Variants in PTPRN2 observed in about 807,000 individuals in gnomAD.
The protein encoded by PTPRN2 is receptor-type tyrosine-protein phosphatase N2.
A neutral mutation model predicts 118.8 loss-of-function variants in PTPRN2; 74 were observed. The observed-to-expected ratio is 0.62, with a 90% CI of 0.52 to 0.76. PTPRN2 has a LOEUF of 0.76. Ranked by LOEUF, PTPRN2 falls within the 30% of genes least tolerant of loss-of-function variation. The pLI is 0.00. For synonymous variants in PTPRN2, 641 were observed against 608.0 expected (o/e 1.05, Z -0.80); for missense variants, 1,481 against 1,394.4 (o/e 1.06, Z -0.99).
intron 1 of PTPRN2, among the ~76,000 whole-genome samples, chr7:158,567,918 C>G (rs11975910): frequency 0.012 from 1,764 of 152,278 alleles, 28 homozygotes; most frequent in African/African-American, 0.04. Flanking sequence ...AACGTGCTAA[C>G]GACAGTCAGA....
intron 10 of PTPRN2, among the ~76,000 whole-genome samples, chr7:158,088,086 G>A (rs1490570697): frequency 3.7e-3 from 248 of 67,708 alleles, no homozygotes; most frequent in Non-Finnish European, 6.6e-3. Context: ...TTCCCCTGAT[G>A]AAAGAGGGAG....
chr7:158,313,877 C>T lies in PTPRN2; in HGVS notation c.277+2942G>A, dbSNP rs78031344. On this transcript the variant is annotated intron_variant, in intron 3 of 22. Coordinates refer to ENST00000389418, the MANE Select transcript of PTPRN2 (RefSeq NM_002847.5). ...GAAAACTCATCTCTGTTGGGGAATTCGGGGCCACTAGATATTTTTCTATCC... is the reference window on the plus strand; with the variant it reads ...GAAAACTCATCTCTGTTGGGGAATTTGGGGCCACTAGATATTTTTCTATCC... Among the ~76,000 whole-genome samples, 1,152 of 152,274 alleles carry T rather than the reference C, an allele frequency of 7.6e-3. 27 individuals are homozygous for T. The highest frequency in any genetic ancestry group is 0.039 in the Admixed American group (592 of 15,292).
At chr7:157,906,043 T>C (rs1172147811) in intron 11 of PTPRN2, among the ~76,000 whole-genome samples, 2 of 152,168 alleles carry the variant, frequency 1.3e-5, no homozygotes, top group Non-Finnish European at 2.9e-5. Context: ...TCCGGGTAAT[T>C]TGGGGACCTC....
At chr7:158,558,757 TAAAAAAA>T (rs769102456) in intron 1 of PTPRN2, among the ~76,000 whole-genome samples, 2 of 59,772 alleles carry the variant, frequency 3.3e-5, no homozygotes, top group African/African-American at 1.2e-4. Flanking sequence ...AGTGCTAGAC[TAAAAAAA>T]AAAAAAAAAA....
At chr7:158,200,257 G>C (rs1003259315) in intron 4 of PTPRN2, among the ~76,000 whole-genome samples, 2 of 152,180 alleles carry the variant, frequency 1.3e-5, no homozygotes, top group Non-Finnish European at 2.9e-5. Flanking sequence ...CAAAAACAAA[G>C]AGGAAGCAGG....
At position 157,617,145 on chromosome 7, in the gene PTPRN2, G is replaced by A. The variant is rs1005358311; in HGVS notation, c.2344+4217C>T. 1.3e-5 allele frequency: 2 copies of A among 152,354 alleles called. No individual in the cohort carries two copies. The highest frequency in any genetic ancestry group is 3.2e-3 in the Middle Eastern group (1 of 316). 9.4% of individuals were successfully genotyped at this position (152,354 alleles called of 1,614,324 possible). ...GGGGTTTCTTGTGAGGACCAGAGGT[G>A]GCACATCCACGGGCATGGGGGACGC... On this transcript the variant is annotated intron_variant, in intron 15 of 22. Transcript: ENST00000389418. The surrounding 1 kb of genome is among the most constrained non-coding windows in gnomAD (Gnocchi z 7.5).
intron 12 of PTPRN2, among the ~76,000 whole-genome samples, chr7:157,691,111 G>T (rs1456103924): frequency 6.8e-6 from 1 of 147,040 alleles, no homozygotes; most frequent in Non-Finnish European, 1.5e-5. Flanking sequence ...TGGCTAAGGG[G>T]CCGCGGCTCT....
intron 11 of PTPRN2, among the ~76,000 whole-genome samples, chr7:157,959,959 A>G (rs956613289): frequency 6.6e-6 from 1 of 152,204 alleles, no homozygotes; most frequent in African/African-American, 2.4e-5. Context: ...AGAACAGATA[A>G]AAAACATGTG....
chr7:157,592,204 C>G (rs974573506), intron 17 of PTPRN2, among the ~76,000 whole-genome samples: 3 of 152,134 alleles, frequency 2.0e-5, no homozygotes, highest in African/African-American at 7.2e-5. Flanking sequence ...CTAAAATAGC[C>G]CATAAGATGT....
At chr7:157,789,024 T>A (rs1464596814) in intron 12 of PTPRN2, among the ~76,000 whole-genome samples, 1 of 152,206 alleles carries the variant, frequency 6.6e-6, no homozygotes, top group East Asian at 1.9e-4. Context: ...TAACAGTCAC[T>A]ACAGGACAGT....
intron 21 of PTPRN2, among the ~76,000 whole-genome samples, chr7:157,566,161 C>G (rs59129824): frequency 0.012 from 1,762 of 152,374 alleles, 33 homozygotes; most frequent in African/African-American, 0.04. Context: ...CATGCAGAGG[C>G]CCTGCATGCA....
At chr7:157,557,985 G>A (rs752171724) in intron 21 of PTPRN2, among the ~76,000 whole-genome samples, 1 of 150,448 alleles carries the variant, frequency 6.6e-6, no homozygotes, top group Non-Finnish European at 1.5e-5. Context: ...AGTTTCTATC[G>A]ACTGCTGGAC....
intron 11 of PTPRN2, among the ~76,000 whole-genome samples, chr7:157,899,421 C>T (rs1797312988): frequency 6.6e-6 from 1 of 152,226 alleles, no homozygotes; most frequent in Non-Finnish European, 1.5e-5. Flanking sequence ...ACCTGCCCCA[C>T]TTCACAGAGA....
chr7:158,013,039 G>A (rs1982125), intron 11 of PTPRN2, among the ~76,000 whole-genome samples: 115,946 of 151,570 alleles, frequency 0.76, 44,503 homozygotes, highest in East Asian at 0.81. Flanking sequence ...CAGGCGGGAT[G>A]CCAAGCACTT....
chr7:158,053,018 G>A (rs1809455475), intron 11 of PTPRN2, among the ~76,000 whole-genome samples: 3 of 152,190 alleles, frequency 2.0e-5, no homozygotes, highest in Non-Finnish European at 1.5e-5. Context: ...GGCCCCCATC[G>A]ATCCCACCCT....
intron 11 of PTPRN2, among the ~76,000 whole-genome samples, chr7:158,069,218 A>G (rs1254954313): frequency 6.6e-6 from 1 of 152,186 alleles, no homozygotes; most frequent in Non-Finnish European, 1.5e-5. Flanking sequence ...AGATAGGGTC[A>G]CGCTCTATCA....
intron 11 of PTPRN2, among the ~76,000 whole-genome samples, chr7:157,908,465 A>C (rs1389449075): frequency 1.3e-5 from 2 of 152,238 alleles, no homozygotes; most frequent in Non-Finnish European, 2.9e-5. Context: ...TGATTTCTGC[A>C]TAAAGAAGTA....
At chr7:158,363,303 G>A (rs927816588) in intron 2 of PTPRN2, among the ~76,000 whole-genome samples, 23 of 152,068 alleles carry the variant, frequency 1.5e-4, no homozygotes, top group Non-Finnish European at 1.9e-4. Flanking sequence ...TCAGGTGCTC[G>A]CAGAGGCCCT....
intron 3 of PTPRN2, among the ~76,000 whole-genome samples, chr7:158,224,460 G>T (rs915934561): frequency 6.6e-6 from 1 of 152,096 alleles, no homozygotes; most frequent in African/African-American, 2.4e-5. Context: ...AGTTATTTTT[G>T]ACAAAGATGC....
Sources: gnomAD v4.1 joint callset for allele counts (sites outside exome capture counted in the v4.1 genomes callset) on GRCh38, gnomAD v4.1.1 for gene constraint, Gnocchi (gnomAD v3.1) non-coding constraint, MANE v1.5 for transcripts, NCBI Gene and HGNC (gene_info 2026-07-23, HGNC 2026-07-21) for gene names.